Variants in WNT7A observed in about 807,000 individuals in gnomAD.
WNT7A encodes the protein protein Wnt-7a.
Under a neutral mutation model 28.2 loss-of-function variants are expected in WNT7A, and 16 were observed. The ratio of observed to expected loss-of-function variants is 0.57; its 90% confidence interval spans 0.38 to 0.86. WNT7A has a LOEUF of 0.86. WNT7A is among the 40% of genes least tolerant of loss of function. WNT7A has a pLI of 0.00. For synonymous variants in WNT7A, 190 were observed against 195.9 expected (o/e 0.97, Z 0.25); for missense variants, 411 against 489.7 (o/e 0.84, Z 1.52).
At chr3:13,863,258 T>A (rs549963912) in intron 2 of WNT7A, among the ~76,000 whole-genome samples, 40 of 152,282 alleles carry the variant, frequency 2.6e-4, no homozygotes, top group Non-Finnish European at 5.1e-4. Flanking sequence ...TCCCTCCACC[T>A]GTGGCCCAGC....
intron 3 of WNT7A, among the ~76,000 whole-genome samples, chr3:13,845,290 G>T (rs1694521481): frequency 6.6e-6 from 1 of 151,988 alleles, no homozygotes; most frequent in Non-Finnish European, 1.5e-5. Context: ...CTTACTCCGT[G>T]CCCGCCACTC....
At chr3:13,845,414 T>A (rs1694523617) in intron 3 of WNT7A, among the ~76,000 whole-genome samples, 1 of 152,270 alleles carries the variant, frequency 6.6e-6, no homozygotes. Context: ...ATAGAATTTT[T>A]AATCTTATTT....
intron 2 of WNT7A, among the ~76,000 whole-genome samples, chr3:13,856,890 GAAAAAGAAGAAGAAGAAGAAGAA>G (rs1694742369): frequency 2.9e-5 from 2 of 69,156 alleles, no homozygotes; most frequent in African/African-American, 1.6e-4. Context: ...GGAAGAAGAA[GAAAAAGAAGAAGAAGAAGAAGAA>G]GAAGAAGAAG....
In WNT7A at chr3:13,818,751, G is replaced by T. The variant is rs990922605; in HGVS notation, c.*193C>A. 1 of 824,922 alleles carries T rather than the reference G, an allele frequency of 1.2e-6. No individual in the cohort carries two copies. The highest frequency in any genetic ancestry group is 1.8e-6 in the Non-Finnish European group (1 of 560,610). 51.1% of individuals were successfully genotyped at this position (824,922 alleles called of 1,614,324 possible). ...TCTGGGGGAGGGTGGAGCAGCATTG[G>T]GTGTGGAACAGAATAGTTGAGGGCT... is the stretch of plus-strand genomic sequence containing the variant. On this transcript the variant is annotated 3_prime_UTR_variant, in exon 4 of 4. Transcript: ENST00000285018.
At chr3:13,829,120 C>G (rs185551391) in intron 3 of WNT7A, among the ~76,000 whole-genome samples, 2 of 152,270 alleles carry the variant, frequency 1.3e-5, no homozygotes, top group African/African-American at 4.8e-5. Context: ...AATGTGATTC[C>G]TGGAGCTTAG....
At chr3:13,849,284 A>G (rs145408256) in intron 3 of WNT7A, among the ~76,000 whole-genome samples, 299 of 152,378 alleles carry the variant, frequency 2.0e-3, no homozygotes, top group Non-Finnish European at 3.5e-3. Flanking sequence ...ATCTACAATT[A>G]TCTCAATATC....
chr3:13,867,065 T>C (rs568586420), intron 2 of WNT7A, among the ~76,000 whole-genome samples: 1 of 152,220 alleles, frequency 6.6e-6, no homozygotes, highest in Non-Finnish European at 1.5e-5. Flanking sequence ...CTTGTGTTCA[T>C]ATGACACGGG....
chr3:13,859,942 A>T (rs1490782100), intron 2 of WNT7A, among the ~76,000 whole-genome samples: 4 of 152,176 alleles, frequency 2.6e-5, no homozygotes, highest in Admixed American at 2.6e-4. Context: ...AGAGGATCTA[A>T]CCAGGCAGGT....
chr3:13,876,801 C>T (rs1575077120), intron 1 of WNT7A, among the ~76,000 whole-genome samples: 4 of 152,282 alleles, frequency 2.6e-5, no homozygotes, highest in Admixed American at 2.6e-4. Flanking sequence ...CCATTATTCA[C>T]ATGACCTCAA....
chr3:13,855,496 A>G (rs1464081724), intron 2 of WNT7A, among the ~76,000 whole-genome samples: 5 of 152,140 alleles, frequency 3.3e-5, no homozygotes, highest in African/African-American at 4.8e-5. Flanking sequence ...TCAGATGTCC[A>G]TCCCCTCCCT....
chr3:13,823,113 G>A (rs762723843), intron 3 of WNT7A, among the ~76,000 whole-genome samples: 10 of 152,206 alleles, frequency 6.6e-5, no homozygotes, highest in Admixed American at 2.0e-4. Flanking sequence ...GCCAGGGCTG[G>A]TCACCAGATG....
At chr3:13,837,069 G>C (rs1233420259) in intron 3 of WNT7A, among the ~76,000 whole-genome samples, 1 of 152,170 alleles carries the variant, frequency 6.6e-6, no homozygotes, top group Non-Finnish European at 1.5e-5. Flanking sequence ...TTTTGGGGGT[G>C]TGGGCAGTTA....
intron 2 of WNT7A, among the ~76,000 whole-genome samples, chr3:13,862,700 C>T (rs1259328650): frequency 6.6e-6 from 1 of 152,130 alleles, no homozygotes; most frequent in Non-Finnish European, 1.5e-5. Flanking sequence ...AGGTAACAGG[C>T]CCACAGCTCG....
intron 3 of WNT7A, among the ~76,000 whole-genome samples, chr3:13,852,417 T>C (rs1416880082): frequency 1.3e-5 from 2 of 152,188 alleles, no homozygotes; most frequent in Admixed American, 6.5e-5. Context: ...GTGGAGCCCA[T>C]GGCAGCCTGT....
chr3:13,878,167 C>A (rs954716834), intron 1 of WNT7A, among the ~76,000 whole-genome samples: 1 of 151,994 alleles, frequency 6.6e-6, no homozygotes. Flanking sequence ...AGGGCCAATC[C>A]GGGGAGGCCG....
At position 13,862,179 on chromosome 3, in the gene WNT7A, T is replaced by C. The variant is rs151334685; in HGVS notation, c.299-7376A>G. On this transcript the variant is annotated intron_variant, in intron 2 of 3. Coordinates refer to ENST00000285018, the MANE Select transcript of WNT7A (RefSeq NM_004625.4). ...AGACCACTGTGGAATGAAGCCTCTATGGAGCTCCCAGAAGGTGCTGGATAA... is the reference window on the plus strand; with the variant it reads ...AGACCACTGTGGAATGAAGCCTCTACGGAGCTCCCAGAAGGTGCTGGATAA... 3.2e-3 allele frequency among the ~76,000 whole-genome samples: 480 copies of C among 152,320 alleles called. 4 individuals carry two copies. The highest frequency in any genetic ancestry group is 0.011 in the African/African-American group (458 of 41,574).
rs56090932 is a variant in WNT7A, at chr3:13,817,423, TACACACACACAC to T, written c.*1509_*1520del. On this transcript the variant is annotated 3_prime_UTR_variant, in exon 4 of 4. Transcript: ENST00000285018. Reference sequence around the variant, plus strand: ...CACTCAAGTCCCTAAGAAGATACAGTACACACACACACACACACACACACACACACACACACA... The same window carrying T: ...CACTCAAGTCCCTAAGAAGATACAGTACACACACACACACACACACACACA... 0.045 allele frequency: 6,446 copies of T among 143,370 alleles called. 261 individuals are homozygous for T. Among genetic ancestry groups the T allele is most frequent in the South Asian group, 0.21 (889 of 4,224 alleles). The allele number at this position is 143,370 out of a possible 1,614,324, so 8.9% of individuals were successfully genotyped here.
At chr3:13,819,555 G>A in intron 3 of WNT7A, 132 bp from the exon 4 acceptor site, 1 of 1,299,068 alleles carries the variant, frequency 7.7e-7, no homozygotes, top group African/African-American at 1.5e-5. Context: ...TCTTTCTGGT[G>A]TAGGAAACTC....
Position 13,816,766 on chromosome 3 carries a change from T to TGG in WNT7A, c.*2177_*2178insCC, listed in dbSNP as rs1694010847. The TGG allele has an allele frequency of 1.3e-5, 2 of 152,140 alleles. No homozygotes were observed. Among genetic ancestry groups the TGG allele is most frequent in the African/African-American group, 2.4e-5 (1 of 41,360 alleles). The allele number at this position is 152,140 out of a possible 1,614,324, so 9.4% of individuals were successfully genotyped here. On this transcript the variant is annotated 3_prime_UTR_variant, in exon 4 of 4. Coordinates refer to ENST00000285018, the MANE Select transcript of WNT7A (RefSeq NM_004625.4). The stretch of plus-strand genomic sequence containing the variant: ...TTATCAATCCATCCACCCATCTGTT[T>TGG]ATCCCTTCATCCATCCATCTACCCA...
Sources: allele counts gnomAD v4.1 joint callset (sites outside exome capture counted in the v4.1 genomes callset), GRCh38; gene constraint gnomAD v4.1.1; transcripts MANE v1.5; gene names NCBI Gene and HGNC (gene_info 2026-07-23, HGNC 2026-07-21).